CNTN5: variants seen among roughly 807,000 people sequenced by gnomAD.
CNTN5 encodes the protein contactin-5.
A neutral mutation model predicts 129.1 loss-of-function variants in CNTN5; 77 were observed. That is an observed-to-expected ratio of 0.60 (90% CI 0.50 to 0.72). CNTN5 has a LOEUF of 0.72. Among genes scored for constraint, CNTN5 ranks in the 30% least tolerant of loss-of-function variants. The pLI is 0.00. For synonymous variants in CNTN5, 509 were observed against 465.6 expected (o/e 1.09, Z -1.20); for missense variants, 1,478 against 1,328.8 (o/e 1.11, Z -1.75).
chr11:100,214,587 T>C (rs1010957711), intron 15 of CNTN5, among the ~76,000 whole-genome samples: 9 of 152,188 alleles, frequency 5.9e-5, no homozygotes, highest in African/African-American at 1.9e-4. Flanking sequence ...CACCTTTTCT[T>C]CAACCATGAA....
intron 3 of CNTN5, among the ~76,000 whole-genome samples, chr11:99,796,706 C>T (rs1945953797): frequency 6.6e-6 from 1 of 152,004 alleles, no homozygotes; most frequent in South Asian, 2.1e-4. Flanking sequence ...TTTTCAGGTC[C>T]ACTAGCTCTC....
intron 18 of CNTN5, among the ~76,000 whole-genome samples, chr11:100,293,847 G>A (rs559592601): frequency 6.6e-6 from 1 of 151,734 alleles, no homozygotes; most frequent in African/African-American, 2.4e-5. Flanking sequence ...GTTTTTCTGG[G>A]CGGGTTGGGG....
intron 1 of CNTN5, among the ~76,000 whole-genome samples, chr11:99,213,300 ATAAT>A (rs1296956995): frequency 6.8e-6 from 1 of 146,050 alleles, no homozygotes; most frequent in Non-Finnish European, 1.5e-5. Flanking sequence ...TATAACATAT[ATAAT>A]ATATACATAT....
At chr11:100,341,313 CTCAG>C (rs1804407327) in intron 23 of CNTN5, 108 bp downstream of exon 23, 4 of 774,114 alleles carry the variant, frequency 5.2e-6, no homozygotes, top group South Asian at 3.4e-5. Context: ...CCTATTTTTT[CTCAG>C]TCATTTTCTA....
At chr11:99,703,956 T>C (rs1468775611) in intron 3 of CNTN5, among the ~76,000 whole-genome samples, 1 of 150,972 alleles carries the variant, frequency 6.6e-6, no homozygotes, top group East Asian at 2.0e-4. Context: ...GAATAAATAA[T>C]CTGAAACAAG....
At chr11:99,945,991 G>A (rs143598021) in intron 7 of CNTN5, among the ~76,000 whole-genome samples, 2,044 of 151,944 alleles carry the variant, frequency 0.013, 26 homozygotes, top group Non-Finnish European at 0.02. Flanking sequence ...TACCCTGTTC[G>A]TTGTTTGACA....
chr11:99,600,526 G>A (rs753869421), intron 3 of CNTN5, among the ~76,000 whole-genome samples: 4 of 152,008 alleles, frequency 2.6e-5, no homozygotes, highest in African/African-American at 4.8e-5. Flanking sequence ...CTAAGAATAC[G>A]GTCACCCTCA....
intron 2 of CNTN5, among the ~76,000 whole-genome samples, chr11:99,447,611 A>G (rs1290535357): frequency 2.0e-5 from 3 of 152,220 alleles, no homozygotes; most frequent in African/African-American, 4.8e-5. Context: ...AAAGTAATCA[A>G]TATGTGTAAA....
chr11:100,332,914 A>G (rs1951935367), intron 21 of CNTN5, among the ~76,000 whole-genome samples: 1 of 152,128 alleles, frequency 6.6e-6, no homozygotes, highest in African/African-American at 2.4e-5. Context: ...CACCACTTCT[A>G]TTCAGCATAG....
intron 1 of CNTN5, among the ~76,000 whole-genome samples, chr11:99,198,706 G>T (rs1273056542): frequency 6.6e-6 from 1 of 152,004 alleles, no homozygotes; most frequent in African/African-American, 2.4e-5. Context: ...AAATAGGTTG[G>T]GTACTGGCAC....
chr11:100,020,929 A>C (rs918876675), intron 9 of CNTN5, among the ~76,000 whole-genome samples: 40 of 152,280 alleles, frequency 2.6e-4, no homozygotes, highest in African/African-American at 9.4e-4. Context: ...GAAGAAAAAA[A>C]TAAATAGAAA....
chr11:99,072,817 T>A (rs998788799), intron 1 of CNTN5, among the ~76,000 whole-genome samples: 2 of 152,112 alleles, frequency 1.3e-5, no homozygotes, highest in Non-Finnish European at 2.9e-5. Flanking sequence ...TGTAACCATC[T>A]CCATGGTCAA....
chr11:100,039,656 CTTTG>C (rs1942254691), intron 9 of CNTN5, among the ~76,000 whole-genome samples: 1 of 152,278 alleles, frequency 6.6e-6, no homozygotes. Flanking sequence ...TTCTTGGAGG[CTTTG>C]TTTGTTTCTT....
chr11:99,454,262 T>C (rs894670563), intron 2 of CNTN5, among the ~76,000 whole-genome samples: 1 of 152,026 alleles, frequency 6.6e-6, no homozygotes, highest in South Asian at 2.1e-4. Flanking sequence ...ATAAAATAGA[T>C]AAAGGGTAAT....
intron 2 of CNTN5, among the ~76,000 whole-genome samples, chr11:99,348,382 T>C (rs577402878): frequency 6.6e-6 from 1 of 152,326 alleles, no homozygotes; most frequent in Admixed American, 6.5e-5. Context: ...GTAATTCAAG[T>C]ATGACTGGTT....
At chr11:100,003,327 T>C (rs543298980) in intron 9 of CNTN5, among the ~76,000 whole-genome samples, 1 of 152,076 alleles carries the variant, frequency 6.6e-6, no homozygotes, top group African/African-American at 2.4e-5. Flanking sequence ...AACCTAAAGA[T>C]GTTAGTTAAG....
chr11:99,508,843 G>A (rs2656204), intron 2 of CNTN5, among the ~76,000 whole-genome samples: 31,829 of 151,802 alleles, frequency 0.21, 4,312 homozygotes, highest in Middle Eastern at 0.31. Flanking sequence ...CACAATGCCC[G>A]GCTAATTTTT....
At chr11:100,272,185 G>C (rs1950419030) in intron 18 of CNTN5, among the ~76,000 whole-genome samples, 1 of 152,050 alleles carries the variant, frequency 6.6e-6, no homozygotes, top group African/African-American at 2.4e-5. Flanking sequence ...ATGAAGGTTT[G>C]TCATATATGT....
At chr11:99,310,010 G>A (rs1414507648) in intron 1 of CNTN5, among the ~76,000 whole-genome samples, 4 of 152,000 alleles carry the variant, frequency 2.6e-5, no homozygotes, top group South Asian at 2.1e-4. Context: ...TGATAACTTT[G>A]GAGGGAAAGA....
Sources: gnomAD v4.1 joint callset for allele counts (sites outside exome capture counted in the v4.1 genomes callset) on GRCh38, gnomAD v4.1.1 for gene constraint, MANE v1.5 for transcripts, NCBI Gene and HGNC (gene_info 2026-07-23, HGNC 2026-07-21) for gene names.